Variants in PRMT9 observed in about 807,000 individuals in gnomAD.
The protein encoded by PRMT9 is protein arginine N-methyltransferase 9.
A neutral mutation model predicts 83.2 loss-of-function variants in PRMT9; 59 were observed. The observed-to-expected ratio is 0.71, with a 90% CI of 0.57 to 0.88. The LOEUF (loss-of-function observed/expected upper bound fraction) is 0.88, where lower values mean the gene tolerates loss of function less well. Ranked by LOEUF, PRMT9 falls within the 40% of genes least tolerant of loss-of-function variation. The probability of loss-of-function intolerance (pLI) is 0.00; values close to 1 mark genes in which losing one functional copy is unlikely to be tolerated. For missense variants in PRMT9, 947 were observed against 1,021.9 expected (o/e 0.93, Z 1.00); for synonymous variants, 333 against 353.2 (o/e 0.94, Z 0.64).
At chr4:147,677,401 A>G (rs1736158603) in intron 2 of PRMT9, among the ~76,000 whole-genome samples, 1 of 150,058 alleles carries the variant, frequency 6.7e-6, no homozygotes, top group South Asian at 2.1e-4. Context: ...TTTTCAATTT[A>G]TTAAGCAGCC....
rs533810028 is a variant in PRMT9, at chr4:147,642,955, A to G, written c.2046-15T>C. On this transcript the variant is annotated splice_polypyrimidine_tract_variant and intron_variant, in intron 9 of 11. Transcript: ENST00000322396. Reference sequence around the variant, plus strand: ...GTAGTAAACACCTAAGAAAAAAAGTACATATTTTAAAAAGCTCTTGGGGCA... The same window carrying G: ...GTAGTAAACACCTAAGAAAAAAAGTGCATATTTTAAAAAGCTCTTGGGGCA... The G allele has an allele frequency of 6.2e-7, 1 of 1,613,200 alleles. No individual in the cohort carries two copies. Among genetic ancestry groups the G allele is most frequent in the South Asian group, 1.1e-5 (1 of 91,056 alleles).
intron 6 of PRMT9, among the ~76,000 whole-genome samples, chr4:147,665,508 G>A (rs1414252266): frequency 6.6e-6 from 1 of 152,204 alleles, no homozygotes; most frequent in African/African-American, 2.4e-5. Flanking sequence ...GCATGCTGCT[G>A]TGTCCTTTTG....
chr4:147,643,525 AAG>A (rs1733546765), intron 9 of PRMT9, among the ~76,000 whole-genome samples: 1 of 152,228 alleles, frequency 6.6e-6, no homozygotes, highest in African/African-American at 2.4e-5. Context: ...AGATTCAGGA[AAG>A]AGTCATCAAT....
chr4:147,662,933 T>A (rs191243944), intron 6 of PRMT9, among the ~76,000 whole-genome samples: 1 of 152,302 alleles, frequency 6.6e-6, no homozygotes, highest in East Asian at 1.9e-4. Context: ...TTTATAAAAT[T>A]TCAAAAGTTC....
At chr4:147,652,209 T>A (rs112870419) in intron 9 of PRMT9, among the ~76,000 whole-genome samples, 1 of 151,786 alleles carries the variant, frequency 6.6e-6, no homozygotes, top group East Asian at 1.9e-4. Context: ...TTAATTAATT[T>A]AAAAAAAACT....
chr4:147,661,735 A>G (rs1436375592), intron 6 of PRMT9, among the ~76,000 whole-genome samples: 1 of 130,418 alleles, frequency 7.7e-6, no homozygotes, highest in Non-Finnish European at 1.6e-5. Context: ...GCTTGCTGTG[A>G]GCCGAGATCA....
intron 8 of PRMT9, among the ~76,000 whole-genome samples, chr4:147,657,234 T>C (rs1355004895): frequency 6.6e-6 from 1 of 152,132 alleles, no homozygotes; most frequent in African/African-American, 2.4e-5. Flanking sequence ...TACTGATAAC[T>C]AGAAAAATCG....
intron 9 of PRMT9, among the ~76,000 whole-genome samples, chr4:147,645,478 G>A (rs940067489): frequency 3.9e-5 from 6 of 152,262 alleles, no homozygotes; most frequent in Non-Finnish European, 2.9e-5. Flanking sequence ...TTTTATCAAT[G>A]TGAAATATCC....
chr4:147,647,191 C>G (rs1733786657), intron 9 of PRMT9, among the ~76,000 whole-genome samples: 1 of 152,160 alleles, frequency 6.6e-6, no homozygotes, highest in African/African-American at 2.4e-5. Context: ...TAATGCCCTA[C>G]TGCTCAGGAA....
Position 147,684,048 on chromosome 4 carries a change from C to T in PRMT9, c.-61G>A, listed in dbSNP as rs1363756554. 2 of 1,513,776 alleles carry T rather than the reference C, an allele frequency of 1.3e-6. No homozygotes were observed. The highest frequency in any genetic ancestry group is 1.4e-5 in the African/African-American group (1 of 72,872). 93.8% of individuals were successfully genotyped at this position (1,513,776 alleles called of 1,614,324 possible). A position where few individuals can be genotyped will look rare whatever the true frequency, so the allele number is the denominator to read the frequency against. On this transcript the variant is annotated 5_prime_UTR_variant, in exon 1 of 12. Coordinates refer to ENST00000322396, the MANE Select transcript of PRMT9 (RefSeq NM_138364.4). ...TTTGTAAACGTAATTAGAAAACTCT[C>T]TCGATGCTACACTTCCAGGGACCAG...
intron 5 of PRMT9, 95 bp downstream of exon 5, chr4:147,670,546 A>AT: frequency 1.1e-6 from 1 of 940,424 alleles, no homozygotes; most frequent in South Asian, 1.3e-5. Context: ...TGGAAAATAT[A>AT]TTTCATATTG....
chr4:147,653,506 CA>C (rs1187372741), intron 9 of PRMT9, among the ~76,000 whole-genome samples: 2 of 150,826 alleles, frequency 1.3e-5, no homozygotes, highest in East Asian at 1.9e-4. Flanking sequence ...TAAAAGGAAC[CA>C]AAAGGAACCA....
chr4:147,664,881 G>A (rs1197828394), intron 6 of PRMT9, among the ~76,000 whole-genome samples: 10 of 151,916 alleles, frequency 6.6e-5, no homozygotes, highest in Admixed American at 3.3e-4. Flanking sequence ...TGGGGAGGCC[G>A]AGGCAAGCAG....
At chr4:147,676,486 T>A (rs1736081442) in intron 2 of PRMT9, among the ~76,000 whole-genome samples, 1 of 152,224 alleles carries the variant, frequency 6.6e-6, no homozygotes. Flanking sequence ...GGTTGCTAAT[T>A]TGTAGAAAAT....
At chr4:147,678,119 C>G (rs1322795826) in intron 2 of PRMT9, among the ~76,000 whole-genome samples, 2 of 152,126 alleles carry the variant, frequency 1.3e-5, no homozygotes, top group African/African-American at 4.8e-5. Context: ...CCCATGGGCA[C>G]CAGAGACAAA....
At chr4:147,670,059 A>G (rs1349926519) in intron 5 of PRMT9, among the ~76,000 whole-genome samples, 1 of 152,198 alleles carries the variant, frequency 6.6e-6, no homozygotes, top group Non-Finnish European at 1.5e-5. Context: ...TCCGTCCATA[A>G]AGTAATCTCA....
At chr4:147,642,740 A>G in intron 10 of PRMT9, 47 bp downstream of exon 10, 1 of 1,507,936 alleles carries the variant, frequency 6.6e-7, no homozygotes, top group Non-Finnish European at 9.2e-7. Flanking sequence ...GAGCGATGGT[A>G]GACTGTTCAA....
At chr4:147,656,409 C>T (rs1354865846) in intron 8 of PRMT9, among the ~76,000 whole-genome samples, 3 of 151,948 alleles carry the variant, frequency 2.0e-5, no homozygotes, top group African/African-American at 4.8e-5. Context: ...CCTTCTTCCT[C>T]AGTGCCCCAA....
chr4:147,642,342 G>A (rs192694175), intron 10 of PRMT9, among the ~76,000 whole-genome samples: 5 of 151,936 alleles, frequency 3.3e-5, no homozygotes, highest in East Asian at 3.9e-4. Context: ...GAGTTCAAGC[G>A]ATTCTCCCAC....
Sources: allele counts gnomAD v4.1 joint callset (sites outside exome capture counted in the v4.1 genomes callset), GRCh38; gene constraint gnomAD v4.1.1; transcripts MANE v1.5; gene names NCBI Gene and HGNC (gene_info 2026-07-23, HGNC 2026-07-21).